ALDH4A1: variants seen among roughly 807,000 people sequenced by gnomAD.
ALDH4A1 encodes the protein delta-1-pyrroline-5-carboxylate dehydrogenase, mitochondrial.
A neutral mutation model predicts 70.5 loss-of-function variants in ALDH4A1; 46 were observed. The ratio of observed to expected loss-of-function variants is 0.65; its 90% confidence interval spans 0.51 to 0.83. ALDH4A1 has a LOEUF of 0.83. Ranked by LOEUF, ALDH4A1 falls within the 40% of genes least tolerant of loss-of-function variation. ALDH4A1 has a pLI of 0.00. For missense variants in ALDH4A1, 749 were observed against 766.5 expected (o/e 0.98, Z 0.27); for synonymous variants, 323 against 324.3 (o/e 1.00, Z 0.04).
chr1:18,887,214 G>C (rs568500298), intron 3 of ALDH4A1, among the ~76,000 whole-genome samples: 1 of 152,322 alleles, frequency 6.6e-6, no homozygotes, highest in East Asian at 1.9e-4. Flanking sequence ...TGCAGACCTC[G>C]GGCCAAGTGA....
chr1:18,889,892 G>A, intron 2 of ALDH4A1, 120 bp downstream of exon 2: 1 of 909,598 alleles, frequency 1.1e-6, no homozygotes, highest in Non-Finnish European at 1.7e-6. Context: ...TCCACCCAAG[G>A]CTGGGAGCAA....
intron 9 of ALDH4A1, 111 bp downstream of exon 9, chr1:18,879,189 G>T: frequency 1.8e-6 from 2 of 1,105,664 alleles, no homozygotes; most frequent in Non-Finnish European, 2.7e-6. Flanking sequence ...GCCTGAAATG[G>T]TTCATCCACC....
rs572443962 is a variant in ALDH4A1 at position 18,873,606 on chromosome 1, G to A, written c.1580-649C>T. On this transcript the variant is annotated intron_variant, in intron 14 of 14. Transcript: ENST00000375341. ...CATAAAAACCTAAAAGGACAGGGTC[G>A]GGAGAGCTTCCAGATTGGTGAACAC... 5.6e-4 allele frequency among the ~76,000 whole-genome samples: 86 copies of A among 152,234 alleles called. 1 individual carries two copies. The South Asian group carries it at 0.014, about 25-fold the overall frequency.
chr1:18,877,623 C>A lies in ALDH4A1; in HGVS notation c.941-11G>T. The A allele has an allele frequency of 3.1e-6, 5 of 1,589,100 alleles. No individual in the cohort carries two copies. The South Asian group carries it at 5.6e-5, about 18-fold the overall frequency. On this transcript the variant is annotated splice_polypyrimidine_tract_variant and intron_variant, in intron 9 of 14. Coordinates refer to ENST00000375341, the MANE Select transcript of ALDH4A1 (RefSeq NM_003748.4). ...TCTTTCCGCCGCACTCTACAGGGGTCGGGGGTGGGGAAATGACCAGAGGAG... is the reference window on the plus strand; with the variant it reads ...TCTTTCCGCCGCACTCTACAGGGGTAGGGGGTGGGGAAATGACCAGAGGAG...
chr1:18,878,032 C>T (rs1190444574), intron 9 of ALDH4A1, among the ~76,000 whole-genome samples: 12 of 152,206 alleles, frequency 7.9e-5, no homozygotes, highest in Non-Finnish European at 1.3e-4. Flanking sequence ...TACCCTATGT[C>T]GGCTGCCAGG....
rs1205847030 is a variant in ALDH4A1, at chr1:18,875,404, C to T, written c.1438G>A (p.Gly480Arg). Residue 480 changes from glycine to arginine, a missense_variant, in exon 13 of 15, where the codon GGG becomes AGG. Coordinates refer to ENST00000375341, the MANE Select transcript of ALDH4A1 (RefSeq NM_003748.4). Reference protein sequence around the residue: ...VDSTTSYGLTGAVFSQDKDVV... With the variant: ...VDSTTSYGLTRAVFSQDKDVV... ...CACTTATCCTGGGAGAACACTGCCCCCGTGAGGCCATAGCTGGTGGTGCTG... is the reference window on the plus strand; with the variant it reads ...CACTTATCCTGGGAGAACACTGCCCTCGTGAGGCCATAGCTGGTGGTGCTG... 6.2e-7 allele frequency: 1 copy of T among 1,614,176 alleles called. No homozygotes were observed. The highest frequency in any genetic ancestry group is 2.2e-5 in the East Asian group (1 of 44,878).
chr1:18,882,023 G>A (rs1396689372), intron 7 of ALDH4A1, 136 bp from the exon 8 acceptor site: 13 of 869,804 alleles, frequency 1.5e-5, no homozygotes, highest in South Asian at 2.9e-5. Context: ...TCCCCTACCC[G>A]ACCCCACTCC....
In ALDH4A1 at chr1:18,898,525, G is replaced by A. The variant is rs754027759; in HGVS notation, c.62+3937C>T. On this transcript the variant is annotated intron_variant, in intron 1 of 14. Coordinates refer to ENST00000375341, the MANE Select transcript of ALDH4A1 (RefSeq NM_003748.4). This position sits in a 1 kb window ranked among gnomAD's most constrained non-coding sequence, Gnocchi z 4.3. Reference sequence around the variant, plus strand: ...AGGAAGCCCATTGGTGGGAGAGGGGGATCATCATAACCACAGCAGCACTTA... The same window carrying A: ...AGGAAGCCCATTGGTGGGAGAGGGGAATCATCATAACCACAGCAGCACTTA... Among the ~76,000 whole-genome samples the A allele has an allele frequency of 7.2e-5, 11 of 152,202 alleles. No individual in the cohort carries two copies. Among genetic ancestry groups the A allele is most frequent in the Non-Finnish European group, 5.9e-5 (4 of 68,032 alleles).
At chr1:18,902,330 G>A (rs936616689) in intron 1 of ALDH4A1, 132 bp downstream of exon 1, 2 of 691,620 alleles carry the variant, frequency 2.9e-6, no homozygotes, top group South Asian at 3.4e-5. Context: ...AGCCCCTGAG[G>A]AACCCGGCGT....
In ALDH4A1 at chr1:18,898,844, G is replaced by T. The variant is rs1181751313; in HGVS notation, c.62+3618C>A. On this transcript the variant is annotated intron_variant, in intron 1 of 14. Coordinates refer to ENST00000375341, the MANE Select transcript of ALDH4A1 (RefSeq NM_003748.4). This position sits in a 1 kb window ranked among gnomAD's most constrained non-coding sequence, Gnocchi z 4.3. ...GCAGGCTGCTCCCAGGGGTGCCACT[G>T]CCAAGCACTGCCTCAATGGCGCTTT... Among the ~76,000 whole-genome samples the T allele has an allele frequency of 6.6e-6, 1 of 152,208 alleles. No homozygotes were observed. The highest frequency in any genetic ancestry group is 1.5e-5 in the Non-Finnish European group (1 of 68,030).
At chr1:18,885,753 G>T (rs1039596311) in intron 4 of ALDH4A1, 125 bp from the exon 5 acceptor site, 1 of 1,359,456 alleles carries the variant, frequency 7.4e-7, no homozygotes, top group African/African-American at 1.4e-5. Flanking sequence ...GTCTCCCTGG[G>T]CCCTCAGCCC....
At chr1:18,885,427 T>TGCCCCCCCCCCCCCCCCCCCCCCCCCCCC in intron 5 of ALDH4A1, 46 bp downstream of exon 5, 69 of 650,890 alleles carry the variant, frequency 1.1e-4, no homozygotes, top group Middle Eastern at 4.2e-4. Flanking sequence ...CACACCTGAC[T>TGCCCCCCCCCCCCCCCCCCCCCCCCCCCC]CCCACCCCAC....
intron 9 of ALDH4A1, 21 bp from the exon 10 acceptor site, chr1:18,877,633 G>GCCCCTCCCC: frequency 1.5e-6 from 1 of 683,788 alleles, no homozygotes. Context: ...CGGGGGTGGG[G>GCCCCTCCCC]AAATGACCAG....
chr1:18,888,248 C>T (rs1440912109), intron 3 of ALDH4A1, among the ~76,000 whole-genome samples: 2 of 152,182 alleles, frequency 1.3e-5, no homozygotes, highest in Non-Finnish European at 2.9e-5. Flanking sequence ...TAAAGCTTGG[C>T]ACAGTCACTC....
rs1017418947 is a variant in ALDH4A1, at chr1:18,890,242, G to A, written c.63-137C>T. 5.9e-5 allele frequency: 43 copies of A among 723,218 alleles called. No individual in the cohort carries two copies. In the Admixed American group the frequency reaches 6.7e-4, roughly 11 times the overall value. The allele number at this position is 723,218 out of a possible 1,614,324, so 44.8% of individuals were successfully genotyped here. ...AATCCAATGCAACTAGAAAGTGGGG[G>A]GTCAAAACCCCACCTTGGGCTGGGC... On this transcript the variant is annotated intron_variant, in intron 1 of 14. Coordinates refer to ENST00000375341, the MANE Select transcript of ALDH4A1 (RefSeq NM_003748.4).
intron 1 of ALDH4A1, 140 bp from the exon 2 acceptor site, chr1:18,890,245 C>T: frequency 2.8e-6 from 2 of 702,358 alleles, no homozygotes; most frequent in Non-Finnish European, 4.9e-6. Flanking sequence ...AGTGGGGGGT[C>T]AAAACCCCAC....
chr1:18,882,385 G>A (rs1452814782), intron 7 of ALDH4A1, among the ~76,000 whole-genome samples: 1 of 152,178 alleles, frequency 6.6e-6, no homozygotes, highest in East Asian at 1.9e-4. Context: ...GCCCCTGTCT[G>A]GGGCTCGGGG....
At chr1:18,900,752 C>A in intron 1 of ALDH4A1, 1 of 695,898 alleles carries the variant, frequency 1.4e-6, no homozygotes, top group Non-Finnish European at 1.8e-6. Flanking sequence ...TCTTTCCCCT[C>A]TCAATTCAGG....
At chr1:18,878,979 G>A (rs890074592) in intron 9 of ALDH4A1, among the ~76,000 whole-genome samples, 1 of 152,152 alleles carries the variant, frequency 6.6e-6, no homozygotes, top group Non-Finnish European at 1.5e-5. Flanking sequence ...TGCAATGCCC[G>A]ACACGGCAGC....
Sources: allele counts gnomAD v4.1 joint callset (sites outside exome capture counted in the v4.1 genomes callset), GRCh38; gene constraint gnomAD v4.1.1; non-coding constraint Gnocchi (gnomAD v3.1); transcripts MANE v1.5; gene names NCBI Gene and HGNC (gene_info 2026-07-23, HGNC 2026-07-21).